Variants in CFL2 observed in about 807,000 individuals in gnomAD.
CFL2 encodes cofilin 2, also known as cofilin-2.
A neutral mutation model predicts 19.6 loss-of-function variants in CFL2; 10 were observed. That is an observed-to-expected ratio of 0.51 (90% CI 0.31 to 0.86). The LOEUF is 0.86. Among genes scored for constraint, CFL2 ranks in the 40% least tolerant of loss-of-function variants. The probability of loss-of-function intolerance (pLI) is 0.04; values close to 1 mark genes in which losing one functional copy is unlikely to be tolerated. For missense variants in CFL2, 125 were observed against 192.1 expected, an observed-to-expected ratio of 0.65 and a Z score of 2.06; for synonymous variants, 63 against 66.7, an observed-to-expected ratio of 0.95 and a Z score of 0.27.
rs1288067786 is a variant in CFL2 at position 34,712,603 on chromosome 14, G to C, written c.*262C>G. ...CATACATTGTAGTGCTTGCTGCAAG[G>C]GAGGCATATAACCAGTTGTTTTGGC... On this transcript the variant is annotated 3_prime_UTR_variant, in exon 4 of 4. Transcript: ENST00000298159. 1.5e-5 allele frequency: 9 copies of C among 600,096 alleles called. No homozygotes were observed. Among genetic ancestry groups the C allele is most frequent in the South Asian group, 1.4e-4 (9 of 65,812 alleles). 37.2% of individuals were successfully genotyped at this position (600,096 alleles called of 1,614,324 possible).
At position 34,713,320 on chromosome 14, in the gene CFL2, T is replaced by C; in HGVS notation, c.245A>G (p.Tyr82Cys). The change falls in exon 2 of 4, where the codon TAT becomes TGT. Residue 82 changes from tyrosine to cysteine, a missense_variant. Coordinates refer to ENST00000298159, the MANE Select transcript of CFL2 (RefSeq NM_138638.5). ...TTCGTATGTGGCATCGTACAAAGCA[T>C]ATCGGCAATCATTCAGAGGTAGCAA... ...VKLLPLNDCR[Y>C]ALYDATYETK... The C allele has an allele frequency of 6.2e-7, 1 of 1,614,122 alleles. No homozygotes were observed. The highest frequency in any genetic ancestry group is 8.5e-7 in the Non-Finnish European group (1 of 1,179,970).
rs1314865840 is a variant in CFL2, at chr14:34,711,775, C to T, written c.*1090G>A. 3 of 445,636 alleles carry T rather than the reference C, an allele frequency of 6.7e-6. No homozygotes were observed. Among genetic ancestry groups the T allele is most frequent in the East Asian group, 7.0e-5 (1 of 14,388 alleles). 27.6% of individuals were successfully genotyped at this position (445,636 alleles called of 1,614,324 possible). A position where few individuals can be genotyped will look rare whatever the true frequency, so the allele number is the denominator to read the frequency against. ...CATATTAACACATAGGAAATAAATA[C>T]ACTAATGTTTATAAAAGTACCATTC... On this transcript the variant is annotated 3_prime_UTR_variant, in exon 4 of 4. Transcript: ENST00000298159.
chr14:34,712,793 T>C lies in CFL2; in HGVS notation c.*72A>G, dbSNP rs1239407727. The stretch of plus-strand genomic sequence containing the variant: ...GGAAATACAACAAAAAACCAAAACC[T>C]AATACTATTCCAATGGACTGAGCTG... On this transcript the variant is annotated 3_prime_UTR_variant, in exon 4 of 4. Transcript: ENST00000298159. 2 of 897,128 alleles carry C rather than the reference T, an allele frequency of 2.2e-6. No homozygotes were observed. Among genetic ancestry groups the C allele is most frequent in the African/African-American group, 1.6e-5 (1 of 61,404 alleles). 55.6% of individuals were successfully genotyped at this position (897,128 alleles called of 1,614,324 possible). A position where few individuals can be genotyped will look rare whatever the true frequency, so the allele number is the denominator to read the frequency against.
At chr14:34,713,866 C>G in intron 1 of CFL2, 1 of 1,487,316 alleles carries the variant, frequency 6.7e-7, no homozygotes, top group Non-Finnish European at 8.9e-7. Context: ...TCAGGAGTGG[C>G]AGCAAAAATA....
chr14:34,712,993 A>G lies in CFL2; in HGVS notation c.389-16T>C. On this transcript the variant is annotated splice_polypyrimidine_tract_variant and intron_variant, in intron 3 of 3. Transcript: ENST00000298159. ...TGTTTAATACCTAAAAAGAAAAAAC[A>G]TTATCCTATTACTTTATTATAATTA... The G allele has an allele frequency of 6.4e-7, 1 of 1,573,050 alleles. No homozygotes were observed. Among genetic ancestry groups the G allele is most frequent in the Non-Finnish European group, 8.7e-7 (1 of 1,143,694 alleles).
In CFL2 at chr14:34,709,951, G is replaced by GT. The variant is rs1165072418; in HGVS notation, c.*2913dup. On this transcript the variant is annotated 3_prime_UTR_variant, in exon 4 of 4. Coordinates refer to ENST00000298159, the MANE Select transcript of CFL2 (RefSeq NM_138638.5). ...GACCTATGAAGAGCAAAATGAGACT[G>GT]TTTTTTCTGAGTGGCAAACCTAAGA... 1.3e-5 allele frequency: 2 copies of GT among 152,204 alleles called. No homozygotes were observed. The highest frequency in any genetic ancestry group is 6.5e-5 in the Admixed American group (1 of 15,270). The allele number at this position is 152,204 out of a possible 1,614,324, so 9.4% of individuals were successfully genotyped here.
rs756117892 is a variant in CFL2, at chr14:34,714,549, C to A, written c.-9G>T. ...CGCGCTCGTCTTACCATAGTGCCCTCGGCTGTGGCTGCGGCGGCAGCTCGG... is the reference window on the plus strand; with the variant it reads ...CGCGCTCGTCTTACCATAGTGCCCTAGGCTGTGGCTGCGGCGGCAGCTCGG... On this transcript the variant is annotated 5_prime_UTR_variant, in exon 1 of 4. Coordinates refer to ENST00000298159, the MANE Select transcript of CFL2 (RefSeq NM_138638.5). 6.3e-7 allele frequency: 1 copy of A among 1,587,462 alleles called. No individual in the cohort carries two copies. The highest frequency in any genetic ancestry group is 8.5e-7 in the Non-Finnish European group (1 of 1,170,256).
At chr14:34,714,282 G>T in intron 1 of CFL2, 2 of 472,392 alleles carry the variant, frequency 4.2e-6, no homozygotes, top group South Asian at 7.5e-5. Flanking sequence ...ACCCTCTCGC[G>T]CCCCCGCCCG....
rs772029781 is a variant in CFL2 at position 34,713,185 on chromosome 14, G to A, written c.312-49C>T. On this transcript the variant is annotated intron_variant, in intron 2 of 3. Transcript: ENST00000298159. Reference sequence around the variant, plus strand: ...GAATCCCATTTATAAGAAAAACAAAGGTAAGACTGACTATGATAATAATAA... The same window carrying A: ...GAATCCCATTTATAAGAAAAACAAAAGTAAGACTGACTATGATAATAATAA... 2.6e-6 allele frequency: 4 copies of A among 1,562,062 alleles called. No homozygotes were observed. In the Admixed American group the frequency reaches 5.6e-5, roughly 22 times the overall value.
rs1885212637 is a variant in CFL2 at position 34,709,443 on chromosome 14, G to C, written c.*3422C>G. ...CTCAGACTTCTTTATGGGCTGAAAG[G>C]AGACAGAACATCCATAAACTCATGC... On this transcript the variant is annotated 3_prime_UTR_variant, in exon 4 of 4. Transcript: ENST00000298159. 1 of 151,930 alleles carries C rather than the reference G, an allele frequency of 6.6e-6. No individual in the cohort carries two copies. Among genetic ancestry groups the C allele is most frequent in the African/African-American group, 2.4e-5 (1 of 41,360 alleles). The allele number at this position is 151,930 out of a possible 1,614,324, so 9.4% of individuals were successfully genotyped here.
In CFL2 at chr14:34,710,828, A is replaced by G. The variant is rs1885261009; in HGVS notation, c.*2037T>C. 2 of 453,772 alleles carry G rather than the reference A, an allele frequency of 4.4e-6. No homozygotes were observed. The highest frequency in any genetic ancestry group is 8.8e-6 in the Non-Finnish European group (2 of 226,760). 28.1% of individuals were successfully genotyped at this position (453,772 alleles called of 1,614,324 possible). A position where few individuals can be genotyped will look rare whatever the true frequency, so the allele number is the denominator to read the frequency against. Reference sequence around the variant, plus strand: ...CAGCTACAAAAACAAAAGATACTACATAACTGATTTATAGTCCCTTATTTT... The same window carrying G: ...CAGCTACAAAAACAAAAGATACTACGTAACTGATTTATAGTCCCTTATTTT... On this transcript the variant is annotated 3_prime_UTR_variant, in exon 4 of 4. Coordinates refer to ENST00000298159, the MANE Select transcript of CFL2 (RefSeq NM_138638.5).
chr14:34,712,774 A>C lies in CFL2; in HGVS notation c.*91T>G. ...AAGGGCCCAGTGGAAAGGGGGAAAT[A>C]CAACAAAAAACCAAAACCTAATACT... On this transcript the variant is annotated 3_prime_UTR_variant, in exon 4 of 4. Transcript: ENST00000298159. The C allele has an allele frequency of 1.3e-6, 1 of 792,130 alleles. No individual in the cohort carries two copies. Among genetic ancestry groups the C allele is most frequent in the East Asian group, 2.5e-5 (1 of 40,648 alleles). 49.1% of individuals were successfully genotyped at this position (792,130 alleles called of 1,614,324 possible). A position where few individuals can be genotyped will look rare whatever the true frequency, so the allele number is the denominator to read the frequency against.
rs1885207512 is a variant in CFL2 at position 34,709,204 on chromosome 14, A to T, written c.*3661T>A. 6.6e-6 allele frequency: 1 copy of T among 152,056 alleles called. No individual in the cohort carries two copies. The highest frequency in any genetic ancestry group is 6.5e-5 in the Admixed American group (1 of 15,268). 9.4% of individuals were successfully genotyped at this position (152,056 alleles called of 1,614,324 possible). ...AAACAGATTATTGCATTTACATAGCATTTTCCTGTTTTCAAAAACCATTTC... is the reference window on the plus strand; with the variant it reads ...AAACAGATTATTGCATTTACATAGCTTTTTCCTGTTTTCAAAAACCATTTC... On this transcript the variant is annotated 3_prime_UTR_variant, in exon 4 of 4. Coordinates refer to ENST00000298159, the MANE Select transcript of CFL2 (RefSeq NM_138638.5).
Position 34,714,503 on chromosome 14 carries a change from T to C in CFL2, c.3+35A>G, listed in dbSNP as rs760962793. 4 of 1,562,802 alleles carry C rather than the reference T, an allele frequency of 2.6e-6. No homozygotes were observed. The East Asian group carries it at 7.3e-5, about 29-fold the overall frequency. ...GGCCGTGCGGGGGGCTTTTCTCGCC[T>C]CGCCGCGGCCTCCCGGCCAGCGCGC... On this transcript the variant is annotated intron_variant, in intron 1 of 3. Transcript: ENST00000298159.
Position 34,713,362 on chromosome 14 carries a change from T to TA in CFL2, c.202dup (p.Tyr68LeufsTer12). ...AGGTAGCAACTTCACAAAAGATGTG[T>TA]AGGGGTCCTCTACAGTATCACCAAT... On this transcript the variant is annotated frameshift_variant, in exon 2 of 4. Transcript: ENST00000298159. LOFTEE classifies it high-confidence loss of function. 2 of 1,614,042 alleles carry TA rather than the reference T, an allele frequency of 1.2e-6. No individual in the cohort carries two copies. Among genetic ancestry groups the TA allele is most frequent in the Non-Finnish European group, 1.7e-6 (2 of 1,179,902 alleles).
rs905045395 is a variant in CFL2, at chr14:34,713,064, A to G, written c.384T>C (p.Phe128=). 1.4e-5 allele frequency: 22 copies of G among 1,582,158 alleles called. No homozygotes were observed. The highest frequency in any genetic ancestry group is 1.9e-5 in the Non-Finnish European group (22 of 1,163,476). Residue 128 remains phenylalanine (F), a synonymous_variant, in exon 3 of 4, where the codon TTT becomes TTC. Transcript: ENST00000298159. The part of the protein sequence containing the change: ...ASSKDAIKKK[F]TGIKHEWQVN... ...CCCAAATATTCAAGTTTGTACCTGTAAATTTCTTTTTAATGGCATCTTTAG... is the reference window on the plus strand; with the variant it reads ...CCCAAATATTCAAGTTTGTACCTGTGAATTTCTTTTTAATGGCATCTTTAG...
Position 34,710,982 on chromosome 14 carries a change from A to C in CFL2, c.*1883T>G, listed in dbSNP as rs1421043860. The C allele has an allele frequency of 2.2e-6, 1 of 454,024 alleles. No individual in the cohort carries two copies. The highest frequency in any genetic ancestry group is 4.4e-6 in the Non-Finnish European group (1 of 226,806). 28.1% of individuals were successfully genotyped at this position (454,024 alleles called of 1,614,324 possible). ...GTTTGGCCTTACCAAAAACCATCGAAATGTCCAGGATAACTCACAGGGACA... is the reference window on the plus strand; with the variant it reads ...GTTTGGCCTTACCAAAAACCATCGACATGTCCAGGATAACTCACAGGGACA... On this transcript the variant is annotated 3_prime_UTR_variant, in exon 4 of 4. Coordinates refer to ENST00000298159, the MANE Select transcript of CFL2 (RefSeq NM_138638.5).
At position 34,709,634 on chromosome 14, in the gene CFL2, A is replaced by G. The variant is rs1222588328; in HGVS notation, c.*3231T>C. 1 of 151,186 alleles carries G rather than the reference A, an allele frequency of 6.6e-6. No individual in the cohort carries two copies. The highest frequency in any genetic ancestry group is 2.4e-5 in the African/African-American group (1 of 41,178). 9.4% of individuals were successfully genotyped at this position (151,186 alleles called of 1,614,324 possible). A position where few individuals can be genotyped will look rare whatever the true frequency, so the allele number is the denominator to read the frequency against. ...TACAAAAGAGATACAAAAAAAAAAA[A>G]AAAAAAAATTAGGCATGGTGGTGCA... On this transcript the variant is annotated 3_prime_UTR_variant, in exon 4 of 4. Transcript: ENST00000298159.
rs1885355588 is a variant in CFL2 at position 34,712,873 on chromosome 14, G to A, written c.493C>T (p.Pro165Ser). The change falls in exon 4 of 4, where the codon CCA becomes TCA. Residue 165 changes from proline to serine, a missense_variant. By Grantham distance (74) the Pro-to-Ser change is moderately conservative. Transcript: ENST00000298159. Reference sequence around the variant, plus strand: ...GGCACTTGACTGTCATTTTATAATGGTTTTCCTTCAAGTGAAACTACTACA... The same window carrying A: ...GGCACTTGACTGTCATTTTATAATGATTTTCCTTCAAGTGAAACTACTACA... ...GNVVVSLEGK[P>S]L The A allele has an allele frequency of 1.4e-5, 21 of 1,530,726 alleles. No individual in the cohort carries two copies. The highest frequency in any genetic ancestry group is 1.9e-5 in the Non-Finnish European group (21 of 1,104,526). 94.8% of individuals were successfully genotyped at this position (1,530,726 alleles called of 1,614,324 possible).
Sources: allele counts gnomAD v4.1 joint callset, GRCh38; gene constraint gnomAD v4.1.1; transcripts MANE v1.5; gene names NCBI Gene and HGNC (gene_info 2026-07-23, HGNC 2026-07-21).